Variants in DCC observed in about 807,000 individuals in gnomAD.
DCC encodes netrin receptor DCC.
Under a neutral mutation model 172.5 loss-of-function variants are expected in DCC, and 58 were observed. The observed-to-expected ratio is 0.34, with a 90% CI of 0.27 to 0.42. DCC has a LOEUF of 0.42. Among genes scored for constraint, DCC ranks in the 10% least tolerant of loss-of-function variants. The pLI, the probability that DCC is intolerant of heterozygous loss-of-function variation, is 1.00. For missense variants in DCC, 1,740 were observed against 1,791.0 expected (o/e 0.97, Z 0.51); for synonymous variants, 709 against 644.5 (o/e 1.10, Z -1.52).
At chr18:53,010,632 T>C (rs1276907703) in intron 5 of DCC, among the ~76,000 whole-genome samples, 1 of 150,824 alleles carries the variant, frequency 6.6e-6, no homozygotes. Context: ...ATATAATATA[T>C]TTAATACAAG....
At chr18:52,395,674 G>T (rs1986198418) in intron 1 of DCC, among the ~76,000 whole-genome samples, 2 of 152,014 alleles carry the variant, frequency 1.3e-5, no homozygotes, top group African/African-American at 4.8e-5. Flanking sequence ...TCTCTACCCA[G>T]CTATTCTGAG....
chr18:53,050,306 C>T (rs907478962), intron 5 of DCC, among the ~76,000 whole-genome samples: 3 of 152,034 alleles, frequency 2.0e-5, no homozygotes, highest in African/African-American at 7.2e-5. Context: ...CAGATACACC[C>T]GGAAACAATA....
intron 26 of DCC, among the ~76,000 whole-genome samples, chr18:53,488,113 AG>A (rs1203463522): frequency 6.6e-6 from 1 of 152,236 alleles, no homozygotes; most frequent in East Asian, 1.9e-4. Flanking sequence ...CTGACTTTAA[AG>A]GGAAACATGA....
intron 1 of DCC, among the ~76,000 whole-genome samples, chr18:52,463,093 A>C (rs1409803313): frequency 6.6e-6 from 1 of 152,154 alleles, no homozygotes; most frequent in Non-Finnish European, 1.5e-5. Context: ...AGCTGCATTT[A>C]CTGGGTGTTA....
chr18:52,846,904 G>A (rs1336779678), intron 2 of DCC, among the ~76,000 whole-genome samples: 3 of 152,048 alleles, frequency 2.0e-5, no homozygotes, highest in Non-Finnish European at 4.4e-5. Flanking sequence ...ATGGAGCTGG[G>A]GCTGTCAGTG....
intron 1 of DCC, among the ~76,000 whole-genome samples, chr18:52,520,088 A>T (rs960867143): frequency 6.6e-6 from 1 of 152,190 alleles, no homozygotes; most frequent in African/African-American, 2.4e-5. Context: ...CCCAAAGCCT[A>T]CTGAAGCACC....
At chr18:52,566,897 A>C (rs1415870954) in intron 1 of DCC, among the ~76,000 whole-genome samples, 1 of 152,182 alleles carries the variant, frequency 6.6e-6, no homozygotes, top group Admixed American at 6.5e-5. Context: ...GTACCATAAA[A>C]ATGGATGAAG....
chr18:52,690,948 A>C (rs2035921074), intron 1 of DCC, among the ~76,000 whole-genome samples: 1 of 152,062 alleles, frequency 6.6e-6, no homozygotes, highest in Non-Finnish European at 1.5e-5. Context: ...AAGCTCTCAA[A>C]CCTGACTTAG....
intron 1 of DCC, among the ~76,000 whole-genome samples, chr18:52,422,366 G>T (rs1249851700): frequency 6.6e-6 from 1 of 152,120 alleles, no homozygotes; most frequent in African/African-American, 2.4e-5. Flanking sequence ...TGTCAGTGGA[G>T]CTCTTAGTCC....
intron 27 of DCC, among the ~76,000 whole-genome samples, chr18:53,512,355 TG>T (rs1262169783): frequency 1.3e-5 from 2 of 149,666 alleles, no homozygotes; most frequent in Non-Finnish European, 3.0e-5. Context: ...ACCACAAAGA[TG>T]GGGAAAAAAC....
At position 52,765,199 on chromosome 18, in the gene DCC, AATTT is replaced by A. The variant is rs1397699793; in HGVS notation, c.412+12826_412+12829del. On this transcript the variant is annotated intron_variant, in intron 2 of 28. Coordinates refer to ENST00000442544, the MANE Select transcript of DCC (RefSeq NM_005215.4). ...CAGGCATGTGCTAGCACTCCTGGCT[AATTT>A]TTTTTTTTTTTTTTTGTATTTTTAG... Among the ~76,000 whole-genome samples the A allele has an allele frequency of 8.3e-5, 10 of 120,116 alleles. No homozygotes were observed. The South Asian group carries it at 1.1e-3, about 13-fold the overall frequency. The allele number at this position is 120,116 out of a possible 152,430, so 78.8% of individuals were successfully genotyped here.
At chr18:52,847,264 G>A (rs1346835654) in intron 2 of DCC, among the ~76,000 whole-genome samples, 1 of 152,128 alleles carries the variant, frequency 6.6e-6, no homozygotes, top group Non-Finnish European at 1.5e-5. Context: ...AGAAGTTAAG[G>A]TCAAAATGTT....
intron 1 of DCC, among the ~76,000 whole-genome samples, chr18:52,704,060 G>A (rs2036167828): frequency 6.6e-6 from 1 of 150,556 alleles, no homozygotes. Flanking sequence ...ATTATTTAAG[G>A]GCCCTGTTAT....
chr18:53,479,443 A>G (rs917367007), intron 25 of DCC, among the ~76,000 whole-genome samples: 3 of 152,190 alleles, frequency 2.0e-5, no homozygotes, highest in Non-Finnish European at 4.4e-5. Context: ...GGAACTGGAG[A>G]CCTAGATGTC....
chr18:52,688,014 A>G (rs1178400301), intron 1 of DCC, among the ~76,000 whole-genome samples: 2 of 151,858 alleles, frequency 1.3e-5, no homozygotes, highest in Non-Finnish European at 2.9e-5. Flanking sequence ...CCACTGAACT[A>G]TAAGGAAACC....
intron 12 of DCC, among the ~76,000 whole-genome samples, chr18:53,302,653 A>G (rs11877505): frequency 0.29 from 44,330 of 152,058 alleles, 8,300 homozygotes; most frequent in Non-Finnish European, 0.43. Context: ...TGTATATCTG[A>G]AATATCCCTA....
At chr18:52,965,214 T>C (rs745843477) in intron 5 of DCC, 4 of 152,316 alleles carry the variant, frequency 2.6e-5, no homozygotes, top group Non-Finnish European at 4.4e-5. Flanking sequence ...GGTAATACTT[T>C]AAATGTTGCT....
chr18:53,376,700 C>T (rs911259915), intron 15 of DCC, among the ~76,000 whole-genome samples: 4 of 152,124 alleles, frequency 2.6e-5, no homozygotes, highest in African/African-American at 4.8e-5. Flanking sequence ...ACACTATGAC[C>T]GGAGCCCAAG....
intron 27 of DCC, among the ~76,000 whole-genome samples, chr18:53,514,051 C>G (rs201363157): frequency 2.0e-5 from 3 of 152,022 alleles, no homozygotes; most frequent in South Asian, 2.1e-4. Flanking sequence ...TGACCACATA[C>G]TTGGAAGTAA....
Sources: allele counts gnomAD v4.1 joint callset (sites outside exome capture counted in the v4.1 genomes callset), GRCh38; gene constraint gnomAD v4.1.1; transcripts MANE v1.5; gene names NCBI Gene and HGNC (gene_info 2026-07-23, HGNC 2026-07-21).